Variants in ANGPT4 observed in about 807,000 individuals in gnomAD.
The protein encoded by ANGPT4 is angiopoietin-4.
A neutral mutation model predicts 53.0 loss-of-function variants in ANGPT4; 50 were observed. That is an observed-to-expected ratio of 0.94 (90% CI 0.75 to 1.20). The LOEUF (loss-of-function observed/expected upper bound fraction) is 1.20. ANGPT4 is among the 50% of genes most tolerant of loss of function. The probability of loss-of-function intolerance (pLI) is 0.00; values close to 1 mark genes in which losing one functional copy is unlikely to be tolerated. For synonymous variants in ANGPT4, 251 were observed against 259.7 expected, an observed-to-expected ratio of 0.97 and a Z score of 0.32; for missense variants, 648 against 637.1, an observed-to-expected ratio of 1.02 and a Z score of -0.18.
chr20:900,528 G>C (rs991973435), intron 1 of ANGPT4, among the ~76,000 whole-genome samples: 1 of 152,126 alleles, frequency 6.6e-6, no homozygotes, highest in Non-Finnish European at 1.5e-5. Flanking sequence ...ATGCACACAA[G>C]TTTTCCTTAC....
intron 2 of ANGPT4, 34 bp from the exon 3 acceptor site, chr20:888,473 C>T (rs374125402): frequency 2.1e-5 from 34 of 1,596,918 alleles, no homozygotes; most frequent in Non-Finnish European, 2.4e-5. Context: ...TAGGGGGCTG[C>T]GTAAGCGCTA....
At chr20:887,636 C>CTTTTTTTTTT (rs55666688) in intron 3 of ANGPT4, among the ~76,000 whole-genome samples, 1 of 130,506 alleles carries the variant, frequency 7.7e-6, no homozygotes, top group Non-Finnish European at 1.7e-5. Context: ...CTCATGACCG[C>CTTTTTTTTTT]TTTTTTTTTT....
chr20:915,023 A>G (rs1169201930), intron 1 of ANGPT4, among the ~76,000 whole-genome samples: 1 of 151,500 alleles, frequency 6.6e-6, no homozygotes, highest in African/African-American at 2.4e-5. Flanking sequence ...TACTGGCCAC[A>G]CCCCCTCCTA....
chr20:898,680 G>A (rs1010209036), intron 1 of ANGPT4, among the ~76,000 whole-genome samples: 7 of 152,196 alleles, frequency 4.6e-5, no homozygotes, highest in Admixed American at 2.0e-4. Context: ...CAGCCAAGTG[G>A]CAACATATTT....
chr20:903,901 C>T (rs1481234722), intron 1 of ANGPT4, among the ~76,000 whole-genome samples: 1 of 152,134 alleles, frequency 6.6e-6, no homozygotes. Flanking sequence ...CTAAATGATG[C>T]TCTCAGGGAC....
In ANGPT4 at chr20:888,270, C is replaced by T. The variant is rs549418645; in HGVS notation, c.587+48G>A. ...TGCCTGCCCTAGGTCCTAAACTTGA[C>T]TCCAGCCCCAGCCCCTGTCCTAGTC... On this transcript the variant is annotated intron_variant, in intron 3 of 8. Transcript: ENST00000381922. 10 of 1,583,900 alleles carry T rather than the reference C, an allele frequency of 6.3e-6. No homozygotes were observed. In the African/African-American group the frequency reaches 1.1e-4, roughly 17 times the overall value.
rs1982681405 is a variant in ANGPT4 at position 911,186 on chromosome 20, G to T, written c.309+4720C>A. Among the ~76,000 whole-genome samples the T allele has an allele frequency of 6.6e-6, 1 of 151,972 alleles. No individual in the cohort carries two copies. The highest frequency in any genetic ancestry group is 2.4e-5 in the African/African-American group (1 of 41,380). ...AGGACCCCACCCTGGGTTCCTCCTTGGTGCTCTCTTGACCCACACCCAGTT... is the reference window on the plus strand; with the variant it reads ...AGGACCCCACCCTGGGTTCCTCCTTTGTGCTCTCTTGACCCACACCCAGTT... On this transcript the variant is annotated intron_variant, in intron 1 of 8. Coordinates refer to ENST00000381922, the MANE Select transcript of ANGPT4 (RefSeq NM_015985.4). The surrounding 1 kb of genome is among the most constrained non-coding windows in gnomAD (Gnocchi z 4.9).
Position 874,331 on chromosome 20 carries a change from G to C in ANGPT4, c.1304C>G (p.Ser435Ter), listed in dbSNP as rs1181305529. Residue 435 changes from serine to a stop codon, truncating the protein, a stop_gained, in exon 8 of 9, where the codon TCA becomes TGA. Transcript: ENST00000381922. LOFTEE classifies it low-confidence loss of function (END_TRUNC). ...LQNTSFSTLD[S>*]DNDHCLCKCA... ...CTTGCAGAGACAGTGGTCGTTGTCT[G>C]AGTCAAGGGTGCTAAAGCTGGTGTT... is the stretch of plus-strand genomic sequence containing the variant. The C allele has an allele frequency of 1.9e-6, 3 of 1,614,120 alleles. No homozygotes were observed. Among genetic ancestry groups the C allele is most frequent in the Non-Finnish European group, 2.5e-6 (3 of 1,180,054 alleles).
At chr20:896,257 G>A (rs754843105) in intron 1 of ANGPT4, among the ~76,000 whole-genome samples, 39 of 152,152 alleles carry the variant, frequency 2.6e-4, no homozygotes, top group Non-Finnish European at 4.3e-4. Context: ...AGCAAAATTC[G>A]TAAAGTTTCT....
chr20:874,492 G>A, intron 7 of ANGPT4, 78 bp from the exon 8 acceptor site: 2 of 1,576,514 alleles, frequency 1.3e-6, no homozygotes, highest in Non-Finnish European at 1.7e-6. Context: ...AACTTCCCCA[G>A]TGGCTTTGTC....
intron 7 of ANGPT4, among the ~76,000 whole-genome samples, chr20:877,418 C>A (rs988757632): frequency 2.0e-5 from 3 of 152,176 alleles, no homozygotes; most frequent in African/African-American, 7.2e-5. Flanking sequence ...TGAGTTTTGA[C>A]AGCAGGGAGA....
intron 1 of ANGPT4, among the ~76,000 whole-genome samples, chr20:892,084 C>T (rs941201951): frequency 6.6e-6 from 1 of 151,664 alleles, no homozygotes; most frequent in Non-Finnish European, 1.5e-5. Flanking sequence ...CATCATCAGC[C>T]CACCCCCTCC....
Position 874,356 on chromosome 20 carries a change from T to A in ANGPT4, c.1279A>T (p.Asn427Tyr). 6.2e-7 allele frequency: 1 copy of A among 1,614,156 alleles called. No individual in the cohort carries two copies. Among genetic ancestry groups the A allele is most frequent in the Middle Eastern group, 1.7e-4 (1 of 6,032 alleles). Residue 427 changes from asparagine to tyrosine, a missense_variant, in exon 8 of 9, where the codon AAC becomes TAC. Transcript: ENST00000381922. ...AGRQSSLVLQ[N>Y]TSFSTLDSDN... is the part of the protein sequence containing the mutation. ...GAGTCAAGGGTGCTAAAGCTGGTGT[T>A]CTGCAGGACCAGGCTGCTCTGGCGC... is the stretch of plus-strand genomic sequence containing the variant.
In ANGPT4 at chr20:881,284, A is replaced by G. The variant is rs1363382611; in HGVS notation, c.838T>C (p.Phe280Leu). The G allele has an allele frequency of 6.8e-6, 11 of 1,614,084 alleles. No homozygotes were observed. Among genetic ancestry groups the G allele is most frequent in the Non-Finnish European group, 8.5e-6 (10 of 1,179,914 alleles). The change falls in exon 5 of 9, where the codon TTC becomes CTC. Residue 280 changes from phenylalanine to leucine, a missense_variant and splice_region_variant. Coordinates refer to ENST00000381922, the MANE Select transcript of ANGPT4 (RefSeq NM_015985.4). ...QERANASAPAFIMAGEQVFQD... is the reference protein window; with the variant it reads ...QERANASAPALIMAGEQVFQD... ...AACACCTGCTCACCTGCCATTATGA[A>G]GGCTGCAAAGGGACAACACAAAAGT...
chr20:888,445 C>T lies in ANGPT4; in HGVS notation c.466-6G>A, dbSNP rs756024401. 2.5e-5 allele frequency: 41 copies of T among 1,609,744 alleles called. No homozygotes were observed. The South Asian group carries it at 4.3e-4, about 17-fold the overall frequency. ...CTTGATGTCTGGTTCAGGAGCTGCC[C>T]CAGCAAGCAGAAGCAGGTAGGGGGC... On this transcript the variant is annotated splice_region_variant and splice_polypyrimidine_tract_variant and intron_variant, in intron 2 of 8. Transcript: ENST00000381922.
intron 1 of ANGPT4, among the ~76,000 whole-genome samples, chr20:891,528 C>A (rs1981848350): frequency 6.6e-6 from 1 of 152,340 alleles, no homozygotes; most frequent in Middle Eastern, 3.4e-3. Flanking sequence ...ATTGCCTCTC[C>A]ATTCGGCACA....
chr20:911,173 T>C lies in ANGPT4; in HGVS notation c.309+4733A>G, dbSNP rs1982680953. ...CTCAGGCTGGGCAAGGACCCCACCC[T>C]GGGTTCCTCCTTGGTGCTCTCTTGA... On this transcript the variant is annotated intron_variant, in intron 1 of 8. Transcript: ENST00000381922. This position sits in a 1 kb window ranked among gnomAD's most constrained non-coding sequence, Gnocchi z 4.9. 6.6e-6 allele frequency among the ~76,000 whole-genome samples: 1 copy of C among 152,038 alleles called. No individual in the cohort carries two copies. Among genetic ancestry groups the C allele is most frequent in the Admixed American group, 6.5e-5 (1 of 15,270 alleles).
chr20:910,925 T>G (rs1982670864), intron 1 of ANGPT4, among the ~76,000 whole-genome samples: 1 of 151,856 alleles, frequency 6.6e-6, no homozygotes, highest in Non-Finnish European at 1.5e-5. Flanking sequence ...ATCCCATTCC[T>G]CTAAGAAGCA....
intron 1 of ANGPT4, among the ~76,000 whole-genome samples, chr20:906,900 C>T (rs534716890): frequency 4.6e-5 from 7 of 152,228 alleles, no homozygotes; most frequent in East Asian, 1.9e-4. Context: ...CGGGCTCTCA[C>T]GGAGGGATGA....
Sources: gnomAD v4.1 joint callset for allele counts (sites outside exome capture counted in the v4.1 genomes callset) on GRCh38, gnomAD v4.1.1 for gene constraint, Gnocchi (gnomAD v3.1) non-coding constraint, MANE v1.5 for transcripts, NCBI Gene and HGNC (gene_info 2026-07-23, HGNC 2026-07-21) for gene names.